Variants in EEF1AKMT4 observed in about 807,000 individuals in gnomAD.
EEF1AKMT4 encodes eukaryotic translation elongation factor 1 alpha lysine specific methyltransferase 4.
Under a neutral mutation model 23.0 loss-of-function variants are expected in EEF1AKMT4, and 17 were observed. The ratio of observed to expected loss-of-function variants is 0.74; its 90% CI spans 0.51 to 1.11. EEF1AKMT4 has a LOEUF of 1.11. EEF1AKMT4 is among the 50% of genes least tolerant of loss of function. The pLI, the probability that EEF1AKMT4 is intolerant of heterozygous loss-of-function variation, is 0.00. For missense variants in EEF1AKMT4, 318 were observed against 333.4 expected (o/e 0.95, Z 0.36); for synonymous variants, 140 against 141.4 (o/e 0.99, Z 0.07).
chr3:184,255,927 G>A (rs1200548402), intron 1 of EEF1AKMT4, among the ~76,000 whole-genome samples: 3 of 152,326 alleles, frequency 2.0e-5, no homozygotes, highest in African/African-American at 7.2e-5. Context: ...TGGAGCATGA[G>A]CTCCTTGAGG....
chr3:184,249,740 C>A lies in EEF1AKMT4; in HGVS notation c.46C>A (p.Arg16=), dbSNP rs771105994. 7 of 1,612,612 alleles carry A rather than the reference C, an allele frequency of 4.3e-6. No individual in the cohort carries two copies. The South Asian group carries it at 7.7e-5, about 18-fold the overall frequency. ...AGRAPPELPE[R]NCGYREVEYW... is the part of the protein sequence containing the mutation. ...TAGGGCGCCTCCGGAGTTACCGGAG[C>A]GGAACTGCGGGTACCGCGAAGTCGA... Residue 16 remains arginine (R), a synonymous_variant, in exon 1 of 3, where the codon CGG becomes AGG. Transcript: ENST00000324557.
rs746079362 is a variant in EEF1AKMT4, at chr3:184,249,905, C to T, written c.196+15C>T. The stretch of plus-strand genomic sequence containing the variant: ...CCTTGTGCTAGGTGGGTAATCCCGG[C>T]GCGGCCCCGCCAGGTAGAGCTGGCA... On this transcript the variant is annotated intron_variant, in intron 1 of 2. Coordinates refer to ENST00000324557, the MANE Select transcript of EEF1AKMT4 (RefSeq NM_032331.4). 3 of 1,601,574 alleles carry T rather than the reference C, an allele frequency of 1.9e-6. No homozygotes were observed. The highest frequency in any genetic ancestry group is 2.7e-5 in the African/African-American group (2 of 74,836).
At chr3:184,254,276 C>T (rs573217484) in intron 1 of EEF1AKMT4, among the ~76,000 whole-genome samples, 237 of 151,874 alleles carry the variant, frequency 1.6e-3, no homozygotes, top group South Asian at 6.5e-3. Context: ...CTGTAGGAAT[C>T]TTCTTGTTTT....
chr3:184,258,398 T>C lies in EEF1AKMT4; in HGVS notation c.591T>C (p.His197=), dbSNP rs765623607. ...AQAYYGWSLR[H]ATYGSGFHFH... ...CCTATTATGGCTGGTCCCTGAGGCATGCTACCTATGGCAGCGGTTTCCACT... is the reference window on the plus strand; with the variant it reads ...CCTATTATGGCTGGTCCCTGAGGCACGCTACCTATGGCAGCGGTTTCCACT... The change falls in exon 3 of 3, where the codon CAT becomes CAC. Residue 197 remains histidine (H), a synonymous_variant. Coordinates refer to ENST00000324557, the MANE Select transcript of EEF1AKMT4 (RefSeq NM_032331.4). The C allele has an allele frequency of 7.4e-6, 12 of 1,613,974 alleles. No homozygotes were observed. The East Asian group carries it at 2.5e-4, about 33-fold the overall frequency.
chr3:184,258,280 C>T lies in EEF1AKMT4; in HGVS notation c.481-8C>T, dbSNP rs1293354451. 6.2e-7 allele frequency: 1 copy of T among 1,603,660 alleles called. No homozygotes were observed. The highest frequency in any genetic ancestry group is 2.2e-5 in the East Asian group (1 of 44,782). On this transcript the variant is annotated splice_polypyrimidine_tract_variant and splice_region_variant and intron_variant, in intron 2 of 2. Transcript: ENST00000324557. ...TTCTCACCAATGGCTTCTCTGTCTG[C>T]CTTGCAGGTGAGCCGCGTGCTTGTC...
intron 1 of EEF1AKMT4, among the ~76,000 whole-genome samples, chr3:184,254,346 A>C (rs1719694678): frequency 6.6e-6 from 1 of 152,016 alleles, no homozygotes; most frequent in South Asian, 2.1e-4. Context: ...ATCTTGGCCC[A>C]CTGCAGCCTC....
At chr3:184,251,134 A>G (rs1469247554) in intron 1 of EEF1AKMT4, among the ~76,000 whole-genome samples, 2 of 146,558 alleles carry the variant, frequency 1.4e-5, no homozygotes, top group African/African-American at 2.5e-5. Flanking sequence ...GGCTGGCCTC[A>G]TGATTCATGC....
chr3:184,258,262 C>G, intron 2 of EEF1AKMT4, 26 bp from the exon 3 acceptor site: 1 of 1,588,272 alleles, frequency 6.3e-7, no homozygotes, highest in Non-Finnish European at 8.6e-7. Flanking sequence ...CACTTCTCAC[C>G]AATGGCTTCT....
At chr3:184,256,591 T>C (rs138131471) in intron 1 of EEF1AKMT4, among the ~76,000 whole-genome samples, 104 of 152,288 alleles carry the variant, frequency 6.8e-4, no homozygotes, top group African/African-American at 2.4e-3. Flanking sequence ...CGTGGCTGTG[T>C]GACTAGGAAT....
At position 184,257,487 on chromosome 3, in the gene EEF1AKMT4, G is replaced by A. The variant is rs1185678841; in HGVS notation, c.211G>A (p.Ala71Thr). Residue 71 changes from alanine (A) to threonine (T), a missense_variant, in exon 2 of 3, where the codon GCC becomes ACC. By Grantham distance (58) the Ala-to-Thr change is moderately conservative. Coordinates refer to ENST00000324557, the MANE Select transcript of EEF1AKMT4 (RefSeq NM_032331.4). ...RILVLGCGNS[A>T]LSYELFLGGF... ...TCCCACCCCAGGTTGCGGGAACAGTGCCCTGAGCTACGAGCTGTTCCTCGG... is the reference window on the plus strand; with the variant it reads ...TCCCACCCCAGGTTGCGGGAACAGTACCCTGAGCTACGAGCTGTTCCTCGG... 2 of 1,604,900 alleles carry A rather than the reference G, an allele frequency of 1.2e-6. No homozygotes were observed. The highest frequency in any genetic ancestry group is 2.2e-5 in the East Asian group (1 of 44,648).
At chr3:184,254,989 C>T (rs1719733396) in intron 1 of EEF1AKMT4, among the ~76,000 whole-genome samples, 2 of 152,326 alleles carry the variant, frequency 1.3e-5, no homozygotes, top group African/African-American at 4.8e-5. Flanking sequence ...GGCCCCAAAT[C>T]TCTGAGTCAA....
intron 1 of EEF1AKMT4, among the ~76,000 whole-genome samples, chr3:184,257,064 G>A (rs969054432): frequency 6.6e-6 from 1 of 151,470 alleles, no homozygotes; most frequent in African/African-American, 2.4e-5. Context: ...CCAAGTTTTA[G>A]CCAGGCGTGG....
At chr3:184,251,783 C>T (rs550859250) in intron 1 of EEF1AKMT4, among the ~76,000 whole-genome samples, 2 of 152,284 alleles carry the variant, frequency 1.3e-5, no homozygotes, top group African/African-American at 2.4e-5. Context: ...AATCTTGGCT[C>T]GGCTTATACT....
At chr3:184,257,285 A>G (rs529784186) in intron 1 of EEF1AKMT4, among the ~76,000 whole-genome samples, 188 bp from the exon 2 acceptor site, 1 of 151,820 alleles carries the variant, frequency 6.6e-6, no homozygotes, top group South Asian at 2.1e-4. Context: ...TAGGAGTGAT[A>G]GAGCCAGGGT....
chr3:184,249,827 T>C lies in EEF1AKMT4; in HGVS notation c.133T>C (p.Phe45Leu), dbSNP rs761244052. Residue 45 changes from phenylalanine (F) to leucine (L), a missense_variant, in exon 1 of 3, where the codon TTC (phenylalanine) becomes CTC (leucine). By Grantham distance (22) the Phe-to-Leu change is conservative (BLOSUM62 0). Coordinates refer to ENST00000324557, the MANE Select transcript of EEF1AKMT4 (RefSeq NM_032331.4). ...TGCCCCCTACGATTGGTTCGGGGAC[T>C]TCTCCTCCTTCCGTGCCCTCCTAGA... ...DSAPYDWFGD[F>L]SSFRALLEPE... The C allele has an allele frequency of 1.9e-6, 3 of 1,613,166 alleles. No homozygotes were observed. The South Asian group carries it at 3.3e-5, about 18-fold the overall frequency.
chr3:184,255,255 C>G (rs992530365), intron 1 of EEF1AKMT4, among the ~76,000 whole-genome samples: 5 of 152,182 alleles, frequency 3.3e-5, no homozygotes, highest in African/African-American at 1.2e-4. Context: ...GCCACCCTTA[C>G]CCCCATCCCA....
chr3:184,252,439 G>A (rs1202337450), intron 1 of EEF1AKMT4, among the ~76,000 whole-genome samples: 1 of 152,200 alleles, frequency 6.6e-6, no homozygotes, highest in Admixed American at 6.5e-5. Context: ...GCCAGAGAAT[G>A]TGCTGGGCCC....
rs745489594 is a variant in EEF1AKMT4 at position 184,257,628 on chromosome 3, G to A, written c.352G>A (p.Asp118Asn). The change falls in exon 2 of 3, where the codon GAC becomes AAC. Residue 118 changes from aspartate (D) to asparagine (N), a missense_variant. Physicochemically the swap from Asp to Asn is conservative, Grantham distance 23 (BLOSUM62 1). Transcript: ENST00000324557. ...GGAGACCATGGATGTGCGGAAGCTG[G>A]ACTTCCCCAGTGCTTCTTTTGATGT... Reference protein sequence around the residue: ...RWETMDVRKLDFPSASFDVVL... With the variant: ...RWETMDVRKLNFPSASFDVVL... 9.9e-6 allele frequency: 16 copies of A among 1,614,086 alleles called. No individual in the cohort carries two copies. The highest frequency in any genetic ancestry group is 1.4e-5 in the Non-Finnish European group (16 of 1,180,056).
chr3:184,253,688 T>A (rs1301909562), intron 1 of EEF1AKMT4, among the ~76,000 whole-genome samples: 5 of 134,508 alleles, frequency 3.7e-5, no homozygotes, highest in South Asian at 2.3e-4. Context: ...TTTTTTTTTT[T>A]ACATGGAATC....
Sources: allele counts gnomAD v4.1 joint callset (sites outside exome capture counted in the v4.1 genomes callset), GRCh38; gene constraint gnomAD v4.1.1; transcripts MANE v1.5; gene names NCBI Gene and HGNC (gene_info 2026-07-23, HGNC 2026-07-21).